The following CAD variants were observed in gnomAD, a reference collection of about 807,000 sequenced individuals.
CAD encodes carbamoyl-phosphate synthetase 2, aspartate transcarbamylase, and dihydroorotase.
Under a neutral mutation model 237.2 loss-of-function variants are expected in CAD, and 81 were observed. The ratio of observed to expected loss-of-function variants is 0.34; its 90% CI spans 0.29 to 0.41. The LOEUF is 0.41. CAD is among the 10% of genes least tolerant of loss of function. CAD has a pLI of 1.00. For missense variants in CAD, 2,181 were observed against 2,951.7 expected, an observed-to-expected ratio of 0.74 and a Z score of 6.05; for synonymous variants, 1,196 against 1,162.8, an observed-to-expected ratio of 1.03 and a Z score of -0.58.
rs1035550712 is a variant in CAD at position 27,217,886 on chromosome 2, C to T, written c.92C>T (p.Thr31Ile). The change falls in exon 2 of 44, where the codon ACC becomes ATC. Residue 31 changes from threonine to isoleucine, a missense_variant. Thr to Ile is a moderately conservative substitution (Grantham distance 89). Around this residue, in one of 12 missense-constraint regions of CAD, gnomAD observed 314 missense variants for 339.4 expected, o/e 0.93. Coordinates refer to ENST00000264705, the MANE Select transcript of CAD (RefSeq NM_004341.5). ...VSTAGEVVFQ[T>I]GMVGYPEALT... ...TGCTTCTTTCTTGCAGTGTTTCAAA[C>T]CGGCATGGTCGGCTACCCCGAGGCC... The T allele has an allele frequency of 1.9e-6, 3 of 1,603,300 alleles. No individual in the cohort carries two copies. The highest frequency in any genetic ancestry group is 1.7e-6 in the Non-Finnish European group (2 of 1,175,228).
In CAD at chr2:27,226,262, C is replaced by G; in HGVS notation, c.1974C>G (p.His658Gln). The G allele has an allele frequency of 6.2e-7, 1 of 1,614,160 alleles. No individual in the cohort carries two copies. Among genetic ancestry groups the G allele is most frequent in the Non-Finnish European group, 8.5e-7 (1 of 1,180,022 alleles). The change falls in exon 13 of 44, where the codon CAC (histidine) becomes CAG (glutamine). Residue 658 changes from histidine (H) to glutamine (Q), a missense_variant. Around this residue, in one of 12 missense-constraint regions of CAD, gnomAD observed 385 missense variants for 535.1 expected, o/e 0.72. Transcript: ENST00000264705. ...LRQTAIKVTQ[H>Q]LGIVGECNVQ... ...AGACAGCTATCAAGGTGACCCAGCA[C>G]CTGGGAATTGTTGGGGAGTGCAATG...
chr2:27,233,205 C>G lies in CAD; in HGVS notation c.2991+65C>G. 1 of 1,514,836 alleles carries G rather than the reference C, an allele frequency of 6.6e-7. No homozygotes were observed. Among genetic ancestry groups the G allele is most frequent in the Non-Finnish European group, 9.2e-7 (1 of 1,090,826 alleles). The allele number at this position is 1,514,836 out of a possible 1,614,324, so 93.8% of individuals were successfully genotyped here. ...GGGTCGAGTAGAACAGCTGGCTGAC[C>G]TAAGATTCTTTGAAACTTGGTGGCG... is the stretch of plus-strand genomic sequence containing the variant. On this transcript the variant is annotated intron_variant, in intron 19 of 43. Coordinates refer to ENST00000264705, the MANE Select transcript of CAD (RefSeq NM_004341.5). This position sits in a 1 kb window ranked among gnomAD's most constrained non-coding sequence, Gnocchi z 6.3.
At chr2:27,238,304 G>A (rs573844459) in intron 30 of CAD, 117 bp downstream of exon 30, 3 of 1,463,728 alleles carry the variant, frequency 2.0e-6, no homozygotes, top group Admixed American at 4.0e-5. Context: ...GCAGGAGGAG[G>A]GTCTCGAGCC....
Position 27,236,598 on chromosome 2 carries a change from G to C in CAD, c.4314+75G>C. 1 of 1,585,756 alleles carries C rather than the reference G, an allele frequency of 6.3e-7. No individual in the cohort carries two copies. The highest frequency in any genetic ancestry group is 1.1e-5 in the South Asian group (1 of 89,852). On this transcript the variant is annotated intron_variant, in intron 26 of 43. Transcript: ENST00000264705. The surrounding 1 kb of genome is among the most constrained non-coding windows in gnomAD (Gnocchi z 4.1). ...GAAGAAAGAGGGAGGAGTGAGTATG[G>C]AACAGCCATGCTAGTAATAAAGCTT...
chr2:27,242,558 T>G lies in CAD; in HGVS notation c.6223-62T>G. ...TCTGCTCCAGAGGCTTTTAAAAGCT[T>G]GGAAATGATGTCGGGGGGCACTCAG... On this transcript the variant is annotated intron_variant, in intron 40 of 43. Coordinates refer to ENST00000264705, the MANE Select transcript of CAD (RefSeq NM_004341.5). The surrounding 1 kb of genome is among the most constrained non-coding windows in gnomAD (Gnocchi z 6.4). The G allele has an allele frequency of 6.4e-7, 1 of 1,558,170 alleles. No homozygotes were observed. The highest frequency in any genetic ancestry group is 8.7e-7 in the Non-Finnish European group (1 of 1,146,846).
chr2:27,229,139 C>T (rs75725129), intron 15 of CAD, among the ~76,000 whole-genome samples: 8,769 of 151,160 alleles, frequency 0.058, 305 homozygotes, highest in African/African-American at 0.089. Flanking sequence ...AGGATGGTCT[C>T]GATCTCTTAA....
At chr2:27,243,327 G>T (rs1322963097) in intron 43 of CAD, 35 bp downstream of exon 43, 1 of 1,611,146 alleles carries the variant, frequency 6.2e-7, no homozygotes, top group African/African-American at 1.3e-5. Context: ...CTGCCTCGGG[G>T]CTGGTGGACG....
chr2:27,223,206 G>A (rs547838357), intron 6 of CAD, among the ~76,000 whole-genome samples, 169 bp downstream of exon 6: 8 of 152,312 alleles, frequency 5.3e-5, no homozygotes, highest in East Asian at 3.9e-4. Flanking sequence ...CAAGGTGGGC[G>A]GATCACTGGA....
Position 27,237,441 on chromosome 2 carries a change from T to G in CAD, c.4459T>G (p.Ser1487Ala). ...PGGTHKEDFA[S>A]GTAAALAGGI... ...TGGGACACATAAGGAGGACTTTGCTTCAGGCACAGCCGCTGCCCTGGCTGG... is the reference window on the plus strand; with the variant it reads ...TGGGACACATAAGGAGGACTTTGCTGCAGGCACAGCCGCTGCCCTGGCTGG... Residue 1487 changes from serine to alanine, a missense_variant, in exon 28 of 44, where the codon TCA becomes GCA. Ser to Ala is a moderately conservative substitution (Grantham distance 99). Coordinates refer to ENST00000264705, the MANE Select transcript of CAD (RefSeq NM_004341.5). This position sits in a 1 kb window ranked among gnomAD's most constrained non-coding sequence, Gnocchi z 4.0. The G allele has an allele frequency of 6.2e-7, 1 of 1,614,212 alleles. No individual in the cohort carries two copies. The highest frequency in any genetic ancestry group is 8.5e-7 in the Non-Finnish European group (1 of 1,180,024).
chr2:27,240,786 C>G lies in CAD; in HGVS notation c.5594-125C>G. The G allele has an allele frequency of 3.3e-6, 4 of 1,216,348 alleles. No homozygotes were observed. Among genetic ancestry groups the G allele is most frequent in the Non-Finnish European group, 4.7e-6 (4 of 846,310 alleles). The allele number at this position is 1,216,348 out of a possible 1,614,324, so 75.3% of individuals were successfully genotyped here. On this transcript the variant is annotated intron_variant, in intron 35 of 43. Coordinates refer to ENST00000264705, the MANE Select transcript of CAD (RefSeq NM_004341.5). The surrounding 1 kb of genome is among the most constrained non-coding windows in gnomAD (Gnocchi z 4.6). Reference sequence around the variant, plus strand: ...CTGCAGTCCCCTGCCCTCCCCTAACCTGCTATATTACTGTGTTGTGAATTG... The same window carrying G: ...CTGCAGTCCCCTGCCCTCCCCTAACGTGCTATATTACTGTGTTGTGAATTG...
Position 27,240,184 on chromosome 2 carries a change from A to C in CAD, c.5497-81A>C, listed in dbSNP as rs1676236470. 2.6e-6 allele frequency: 3 copies of C among 1,157,766 alleles called. No individual in the cohort carries two copies. The Admixed American group carries it at 5.9e-5, about 23-fold the overall frequency. The allele number at this position is 1,157,766 out of a possible 1,614,324, so 71.7% of individuals were successfully genotyped here. On this transcript the variant is annotated intron_variant, in intron 34 of 43. Transcript: ENST00000264705. This position sits in a 1 kb window ranked among gnomAD's most constrained non-coding sequence, Gnocchi z 4.6. The stretch of plus-strand genomic sequence containing the variant: ...TGAACCCAGAAGGTCACGCCACTGC[A>C]CTCCAGCCTGAGCGACAGAACGAGA...
Position 27,236,104 on chromosome 2 carries a change from G to A in CAD, c.4075-180G>A, listed in dbSNP as rs1675989343. On this transcript the variant is annotated intron_variant, in intron 25 of 43. Coordinates refer to ENST00000264705, the MANE Select transcript of CAD (RefSeq NM_004341.5). The surrounding 1 kb of genome is among the most constrained non-coding windows in gnomAD (Gnocchi z 4.1). Reference sequence around the variant, plus strand: ...TTGGTAACCCATCTTACTTAGTGTAGATATCTTTCCTGCCAAGAAATACAC... The same window carrying A: ...TTGGTAACCCATCTTACTTAGTGTAAATATCTTTCCTGCCAAGAAATACAC... 6.6e-6 allele frequency among the ~76,000 whole-genome samples: 1 copy of A among 152,128 alleles called. No individual in the cohort carries two copies. Among genetic ancestry groups the A allele is most frequent in the African/African-American group, 2.4e-5 (1 of 41,402 alleles).
At position 27,242,102 on chromosome 2, in the gene CAD, C is replaced by T. The variant is rs1456876501; in HGVS notation, c.6075C>T (p.His2025=). The T allele has an allele frequency of 1.1e-5, 18 of 1,612,784 alleles. No individual in the cohort carries two copies. Among genetic ancestry groups the T allele is most frequent in the African/African-American group, 2.7e-5 (2 of 74,904 alleles). The change falls in exon 39 of 44, where the codon CAC becomes CAT. Residue 2025 remains histidine (H), a synonymous_variant. Coordinates refer to ENST00000264705, the MANE Select transcript of CAD (RefSeq NM_004341.5). The surrounding 1 kb of genome is among the most constrained non-coding windows in gnomAD (Gnocchi z 6.4). The stretch of plus-strand genomic sequence containing the variant: ...ATGCCGACGTCGTCGTGCTCCGGCA[C>T]CCCCAGCCTGGAGCAGTGGAGGTGA... ...SCYADVVVLR[H]PQPGAVELAA...
At position 27,232,957 on chromosome 2, in the gene CAD, G is replaced by A. The variant is rs182091450; in HGVS notation, c.2893-85G>A. ...AGCTGTGCTGGCAGTCTCTGAAGTA[G>A]GGGCTTTGGCTTAGTTTCTCCACGA... On this transcript the variant is annotated intron_variant, in intron 18 of 43. Coordinates refer to ENST00000264705, the MANE Select transcript of CAD (RefSeq NM_004341.5). The surrounding 1 kb of genome is among the most constrained non-coding windows in gnomAD (Gnocchi z 4.1). The A allele has an allele frequency of 2.1e-6, 2 of 957,994 alleles. No individual in the cohort carries two copies. Among genetic ancestry groups the A allele is most frequent in the African/African-American group, 1.6e-5 (1 of 62,534 alleles). 59.3% of individuals were successfully genotyped at this position (957,994 alleles called of 1,614,324 possible).
At chr2:27,218,219 A>G (rs1674970145) in intron 2 of CAD, among the ~76,000 whole-genome samples, 2 of 152,224 alleles carry the variant, frequency 1.3e-5, no homozygotes, top group African/African-American at 2.4e-5. Context: ...TGGAGGCCTC[A>G]GGAAAAAGCT....
chr2:27,221,459 G>A (rs1014593629), intron 3 of CAD, 112 bp downstream of exon 3: 2 of 1,031,002 alleles, frequency 1.9e-6, no homozygotes, highest in African/African-American at 3.3e-5. Flanking sequence ...ATAGTTGGAA[G>A]GTTTAGATTG....
Position 27,241,849 on chromosome 2 carries a change from T to C in CAD, c.5884-62T>C, listed in dbSNP as rs1676333004. ...AAGTGTCAGTTGGGGTGGTGGTGCC[T>C]AGCTGGGGTTTCCCCAGGGTGGACA... On this transcript the variant is annotated intron_variant, in intron 38 of 43. Transcript: ENST00000264705. The surrounding 1 kb of genome is among the most constrained non-coding windows in gnomAD (Gnocchi z 4.6). 6.5e-6 allele frequency: 9 copies of C among 1,394,636 alleles called. No individual in the cohort carries two copies. The South Asian group carries it at 9.9e-5, about 15-fold the overall frequency. The allele number at this position is 1,394,636 out of a possible 1,614,324, so 86.4% of individuals were successfully genotyped here. A position where few individuals can be genotyped will look rare whatever the true frequency, so the allele number is the denominator to read the frequency against.
intron 7 of CAD, 50 bp from the exon 8 acceptor site, chr2:27,223,867 G>A: frequency 6.5e-7 from 1 of 1,550,140 alleles, no homozygotes; most frequent in South Asian, 1.1e-5. Flanking sequence ...GAGGCTGCCA[G>A]TGTCATGCCA....
At position 27,242,067 on chromosome 2, in the gene CAD, A is replaced by G; in HGVS notation, c.6040A>G (p.Met2014Val). The change falls in exon 39 of 44, where the codon ATG (methionine) becomes GTG (valine). Residue 2014 changes from methionine (M) to valine (V), a missense_variant. This residue lies in a region of CAD where 203 missense variants were observed against 284.5 expected (regional missense o/e 0.71). Coordinates refer to ENST00000264705, the MANE Select transcript of CAD (RefSeq NM_004341.5). The surrounding 1 kb of genome is among the most constrained non-coding windows in gnomAD (Gnocchi z 6.4). ...ATCCCTGGCTGACTCCGTGCAGACC[A>G]TGAGCTGCTATGCCGACGTCGTCGT... Reference protein sequence around the residue: ...GESLADSVQTMSCYADVVVLR... With the variant: ...GESLADSVQTVSCYADVVVLR... 6.2e-7 allele frequency: 1 copy of G among 1,613,356 alleles called. No individual in the cohort carries two copies. The highest frequency in any genetic ancestry group is 8.5e-7 in the Non-Finnish European group (1 of 1,180,028).
Sources: allele counts gnomAD v4.1 joint callset (sites outside exome capture counted in the v4.1 genomes callset), GRCh38; gene constraint gnomAD v4.1.1; regional missense constraint gnomAD v4.1.1; non-coding constraint Gnocchi (gnomAD v3.1); transcripts MANE v1.5; gene names NCBI Gene and HGNC (gene_info 2026-07-23, HGNC 2026-07-21).